The following BTNL8 variants were observed in gnomAD, a reference collection of about 807,000 sequenced individuals.
BTNL8 encodes the protein butyrophilin like 8.
BTNL8 carries 22 observed loss-of-function variants against 36.1 expected under a neutral mutation model. That is an observed-to-expected ratio of 0.61 (90% CI 0.44 to 0.87). The LOEUF (loss-of-function observed/expected upper bound fraction) is 0.87. BTNL8 is among the 40% of genes least tolerant of loss of function. The probability of loss-of-function intolerance (pLI) is 0.00; values close to 1 mark genes in which losing one functional copy is unlikely to be tolerated. For missense variants in BTNL8, 526 were observed against 616.9 expected (o/e 0.85, Z 1.56); for synonymous variants, 203 against 235.6 (o/e 0.86, Z 1.27).
intron 3 of BTNL8, among the ~76,000 whole-genome samples, chr5:180,916,527 T>C (rs1757634900): frequency 6.6e-6 from 1 of 152,002 alleles, no homozygotes. Context: ...TCAATAAAAC[T>C]AAATGTTGTT....
Position 180,911,600 on chromosome 5 carries a change from G to A in BTNL8, c.659G>A (p.Arg220Lys), listed in dbSNP as rs1378267830. 3 of 1,612,840 alleles carry A rather than the reference G, an allele frequency of 1.9e-6. No individual in the cohort carries two copies. The highest frequency in any genetic ancestry group is 2.5e-6 in the Non-Finnish European group (3 of 1,178,996). ...CATCTGAGCCGAGAGGTGGAATCCA[G>A]GGTACAGATAGGAGGTGAGTAGGGA... Reference protein sequence around the residue: ...HAHLSREVESRVQIGDTFFEP... With the variant: ...HAHLSREVESKVQIGDTFFEP... Residue 220 changes from arginine (R) to lysine (K), a missense_variant, in exon 3 of 8, where the codon AGG (arginine) becomes AAG (lysine). Arg to Lys is a conservative substitution (Grantham distance 26). Around this residue, in one of 2 missense-constraint regions of BTNL8, gnomAD observed 350 missense variants for 324.6 expected, o/e 1.08. Transcript: ENST00000340184.
chr5:180,950,764 C>T lies in BTNL8; in HGVS notation c.*220C>T, dbSNP rs555401197. ...TGGCTAAGTGATCTTGAAATACCAC[C>T]TCTCAGGTGAAGAACCGTCAGGAAT... On this transcript the variant is annotated 3_prime_UTR_variant, in exon 8 of 8. Transcript: ENST00000340184. 6.4e-5 allele frequency: 34 copies of T among 527,404 alleles called. 5 individuals carry two copies. Among genetic ancestry groups the T allele is most frequent in the Middle Eastern group, 4.9e-4 (1 of 2,042 alleles). 32.7% of individuals were successfully genotyped at this position (527,404 alleles called of 1,614,324 possible).
At chr5:180,909,199 C>A (rs1330883480) in intron 2 of BTNL8, among the ~76,000 whole-genome samples, 1 of 152,084 alleles carries the variant, frequency 6.6e-6, no homozygotes, top group Admixed American at 6.5e-5. Flanking sequence ...CACACCCACC[C>A]CTTCTCAGCC....
chr5:180,944,439 T>C (rs185782658), intron 3 of BTNL8, among the ~76,000 whole-genome samples: 1 of 152,244 alleles, frequency 6.6e-6, no homozygotes, highest in Admixed American at 6.5e-5. Context: ...TGTACAGTTA[T>C]TATGAGGCAA....
chr5:180,911,752 G>A, intron 3 of BTNL8, 138 bp downstream of exon 3: 1 of 933,688 alleles, frequency 1.1e-6, no homozygotes, highest in Non-Finnish European at 1.6e-6. Flanking sequence ...TAAAATCAAT[G>A]AGATGTAAAA....
At chr5:180,933,472 C>T (rs62406734) in intron 3 of BTNL8, among the ~76,000 whole-genome samples, 17 of 152,138 alleles carry the variant, frequency 1.1e-4, no homozygotes, top group African/African-American at 3.9e-4. Context: ...AATGGTACAA[C>T]CTAGAAATCA....
At chr5:180,930,776 G>C (rs1013536591) in intron 3 of BTNL8, among the ~76,000 whole-genome samples, 11 of 152,068 alleles carry the variant, frequency 7.2e-5, no homozygotes, top group African/African-American at 2.7e-4. Flanking sequence ...CCTCTTCAAG[G>C]AGAACTACAA....
chr5:180,937,959 A>C (rs189792159), intron 3 of BTNL8, among the ~76,000 whole-genome samples: 38 of 151,872 alleles, frequency 2.5e-4, no homozygotes, highest in African/African-American at 9.2e-4. Context: ...AAAAAGAAAT[A>C]TTCAACAGAG....
At chr5:180,926,773 T>G (rs1325842814) in intron 3 of BTNL8, among the ~76,000 whole-genome samples, 1 of 152,208 alleles carries the variant, frequency 6.6e-6, no homozygotes, top group Non-Finnish European at 1.5e-5. Flanking sequence ...CCTCTCTAGA[T>G]TCCTCCTTTC....
chr5:180,909,046 A>G (rs1355420100), intron 2 of BTNL8, 113 bp downstream of exon 2: 4 of 1,037,492 alleles, frequency 3.9e-6, no homozygotes, highest in Non-Finnish European at 5.6e-6. Flanking sequence ...AGAAGGCAGC[A>G]TTCTATACTC....
At chr5:180,917,556 A>G (rs1281396925) in intron 3 of BTNL8, among the ~76,000 whole-genome samples, 1 of 152,250 alleles carries the variant, frequency 6.6e-6, no homozygotes, top group African/African-American at 2.4e-5. Context: ...ACCTAGCAGA[A>G]ATGGATACAT....
At chr5:180,934,117 A>G (rs1758528789) in intron 3 of BTNL8, among the ~76,000 whole-genome samples, 1 of 152,234 alleles carries the variant, frequency 6.6e-6, no homozygotes, top group Non-Finnish European at 1.5e-5. Context: ...ATTTAACCCT[A>G]GGATGCAAGG....
At chr5:180,934,838 G>A (rs2121122) in intron 3 of BTNL8, among the ~76,000 whole-genome samples, 12,262 of 152,196 alleles carry the variant, frequency 0.081, 627 homozygotes, top group South Asian at 0.2. Flanking sequence ...CAAACAGGGC[G>A]GTGTGTATCA....
chr5:180,947,908 C>A, intron 4 of BTNL8: 2 of 1,084,326 alleles, frequency 1.8e-6, no homozygotes, highest in Non-Finnish European at 2.6e-6. Context: ...ATGAACACCA[C>A]CAAGACTCCT....
At chr5:180,901,611 G>A (rs539141842) in intron 1 of BTNL8, among the ~76,000 whole-genome samples, 1 of 152,296 alleles carries the variant, frequency 6.6e-6, no homozygotes, top group Non-Finnish European at 1.5e-5. Flanking sequence ...AGAAAATCAG[G>A]CCCTGTCCCC....
In BTNL8 at chr5:180,908,757, C is replaced by T; in HGVS notation, c.221C>T (p.Pro74Leu). 6.2e-7 allele frequency: 1 copy of T among 1,614,144 alleles called. No individual in the cohort carries two copies. The highest frequency in any genetic ancestry group is 8.5e-7 in the Non-Finnish European group (1 of 1,180,032). ...VHLYRDGKDQ[P>L]FMQMPQYQGR... is the part of the protein sequence containing the mutation. The stretch of plus-strand genomic sequence containing the variant: ...CTCTACAGGGACGGGAAGGACCAGC[C>T]ATTTATGCAGATGCCACAGTATCAA... The change falls in exon 2 of 8, where the codon CCA becomes CTA. Residue 74 changes from proline to leucine, a missense_variant. Around this residue, in one of 2 missense-constraint regions of BTNL8, gnomAD observed 350 missense variants for 324.6 expected, o/e 1.08. Transcript: ENST00000340184.
At position 180,950,032 on chromosome 5, in the gene BTNL8, G is replaced by A. The variant is rs745330755; in HGVS notation, c.991G>A (p.Val331Met). 30 of 1,462,264 alleles carry A rather than the reference G, an allele frequency of 2.1e-5. 3 individuals are homozygous for A. The South Asian group carries it at 3.4e-4, about 16-fold the overall frequency. The allele number at this position is 1,462,264 out of a possible 1,614,324, so 90.6% of individuals were successfully genotyped here. Reference sequence around the variant, plus strand: ...GAAGAGATTTACAAGGAAGAGTGTGGTGGCTTCTCAGAGTTTCCAAGCAGG... The same window carrying A: ...GAAGAGATTTACAAGGAAGAGTGTGATGGCTTCTCAGAGTTTCCAAGCAGG... ...SEKRFTRKSV[V>M]ASQSFQAGKH... Residue 331 changes from valine to methionine, a missense_variant, in exon 8 of 8, where the codon GTG (valine) becomes ATG (methionine). By Grantham distance (21) the Val-to-Met change is conservative (BLOSUM62 1). Transcript: ENST00000340184.
intron 1 of BTNL8, 47 bp downstream of exon 1, chr5:180,899,406 C>A: frequency 6.4e-7 from 1 of 1,567,382 alleles, no homozygotes; most frequent in Non-Finnish European, 8.8e-7. Flanking sequence ...AGTTTGAGTT[C>A]TTTAGCTACA....
chr5:180,924,548 TGTCAGAGCACAG>T (rs1305564228), intron 3 of BTNL8, among the ~76,000 whole-genome samples: 1 of 152,238 alleles, frequency 6.6e-6, no homozygotes, highest in Non-Finnish European at 1.5e-5. Flanking sequence ...TTCCATTTAA[TGTCAGAGCACAG>T]GTAGTGGCCC....
Sources: allele counts gnomAD v4.1 joint callset (sites outside exome capture counted in the v4.1 genomes callset), GRCh38; gene constraint gnomAD v4.1.1; regional missense constraint gnomAD v4.1.1; transcripts MANE v1.5; gene names NCBI Gene and HGNC (gene_info 2026-07-23, HGNC 2026-07-21).